Variants in KAT2B observed in about 807,000 individuals in gnomAD.
The protein encoded by KAT2B is histone acetyltransferase KAT2B.
Under a neutral mutation model 105.9 loss-of-function variants are expected in KAT2B, and 36 were observed. The ratio of observed to expected loss-of-function variants is 0.34; its 90% CI spans 0.26 to 0.45. The LOEUF is 0.45. KAT2B is among the 20% of genes least tolerant of loss of function. KAT2B has a pLI of 1.00. For missense variants in KAT2B, 820 were observed against 1,021.6 expected, an observed-to-expected ratio of 0.80 and a Z score of 2.69; for synonymous variants, 397 against 377.9, an observed-to-expected ratio of 1.05 and a Z score of -0.59.
At chr3:20,133,409 C>T (rs1699545072) in intron 11 of KAT2B, among the ~76,000 whole-genome samples, 1 of 113,530 alleles carries the variant, frequency 8.8e-6, no homozygotes, top group African/African-American at 3.6e-5. Context: ...CTCAGGTACT[C>T]AGTAGCTACA....
At chr3:20,060,894 A>G (rs6777429) in intron 1 of KAT2B, among the ~76,000 whole-genome samples, 61,171 of 151,944 alleles carry the variant, frequency 0.4, 12,552 homozygotes, top group Middle Eastern at 0.47. Context: ...GTAATAAACC[A>G]TGATCATGCC....
chr3:20,118,820 A>AT (rs979652050), intron 7 of KAT2B, among the ~76,000 whole-genome samples: 1 of 148,118 alleles, frequency 6.8e-6, no homozygotes. Context: ...TATTATATAT[A>AT]TTTTTTCTCC....
At chr3:20,059,958 T>G (rs1018098884) in intron 1 of KAT2B, among the ~76,000 whole-genome samples, 3 of 152,214 alleles carry the variant, frequency 2.0e-5, no homozygotes. Context: ...CTTTTCTGGA[T>G]GGTCATGTAA....
intron 2 of KAT2B, among the ~76,000 whole-genome samples, chr3:20,093,488 G>A (rs1241139659): frequency 6.6e-6 from 1 of 152,142 alleles, no homozygotes; most frequent in East Asian, 1.9e-4. Flanking sequence ...TGGAAACCAA[G>A]AGTTGTGGTA....
At chr3:20,083,354 GTCT>G (rs1698553983) in intron 2 of KAT2B, among the ~76,000 whole-genome samples, 1 of 152,182 alleles carries the variant, frequency 6.6e-6, no homozygotes, top group African/African-American at 2.4e-5. Flanking sequence ...GCATCAAAAA[GTCT>G]TCTTAATAAA....
chr3:20,119,530 A>C, intron 7 of KAT2B, 68 bp from the exon 8 acceptor site: 2 of 1,573,190 alleles, frequency 1.3e-6, no homozygotes, highest in East Asian at 4.5e-5. Flanking sequence ...TCCCATGTGC[A>C]CTTCGTTTCT....
At chr3:20,052,113 A>G (rs553777937) in intron 1 of KAT2B, among the ~76,000 whole-genome samples, 85 of 152,278 alleles carry the variant, frequency 5.6e-4, no homozygotes, top group Non-Finnish European at 5.0e-4. Flanking sequence ...TCTGCCATGT[A>G]TCTCTGTATC....
intron 2 of KAT2B, among the ~76,000 whole-genome samples, chr3:20,074,891 C>T (rs1457146354): frequency 6.6e-6 from 1 of 152,176 alleles, no homozygotes; most frequent in Non-Finnish European, 1.5e-5. Context: ...AGAAGTTGGT[C>T]CTTTCCCAAA....
intron 11 of KAT2B, 101 bp from the exon 12 acceptor site, chr3:20,136,841 T>A: frequency 1.7e-6 from 1 of 574,300 alleles, no homozygotes; most frequent in Non-Finnish European, 3.1e-6. Context: ...GTAAAATATG[T>A]AAAAGTACAA....
chr3:20,138,359 T>G (rs918093863), intron 12 of KAT2B, among the ~76,000 whole-genome samples: 5 of 144,618 alleles, frequency 3.5e-5, no homozygotes, highest in Non-Finnish European at 5.9e-5. Flanking sequence ...TCCTAGGATT[T>G]TGTTGTAGAA....
intron 1 of KAT2B, among the ~76,000 whole-genome samples, chr3:20,043,057 C>T (rs576467751): frequency 6.6e-6 from 1 of 152,090 alleles, no homozygotes; most frequent in South Asian, 2.1e-4. Context: ...TGCGCCAGTA[C>T]ACTATTATTA....
chr3:20,056,825 T>C (rs1051377208), intron 1 of KAT2B, among the ~76,000 whole-genome samples: 3 of 152,232 alleles, frequency 2.0e-5, no homozygotes, highest in Non-Finnish European at 4.4e-5. Flanking sequence ...TCTTGTTCTT[T>C]GCCAGCTGAG....
At chr3:20,067,213 A>C (rs989823200) in intron 1 of KAT2B, among the ~76,000 whole-genome samples, 1 of 152,250 alleles carries the variant, frequency 6.6e-6, no homozygotes, top group Admixed American at 6.5e-5. Flanking sequence ...TTTTGAAAGA[A>C]AAGATCTTTA....
At chr3:20,138,103 T>C (rs1396198904) in intron 12 of KAT2B, among the ~76,000 whole-genome samples, 1 of 152,194 alleles carries the variant, frequency 6.6e-6, no homozygotes, top group Non-Finnish European at 1.5e-5. Context: ...ATAAAAGTAA[T>C]GTGTAATCAT....
intron 13 of KAT2B, among the ~76,000 whole-genome samples, chr3:20,140,867 A>G (rs1699684752): frequency 6.6e-6 from 1 of 152,018 alleles, no homozygotes; most frequent in East Asian, 1.9e-4. Context: ...TACTTTTTAA[A>G]TTTGTGTAAA....
chr3:20,095,553 G>A, intron 3 of KAT2B, 145 bp downstream of exon 3: 1 of 572,908 alleles, frequency 1.7e-6, no homozygotes, highest in Non-Finnish European at 3.1e-6. Context: ...CTTCATGACT[G>A]ATTCTCTAAA....
intron 17 of KAT2B, chr3:20,148,867 G>A (rs1230940099): frequency 5.9e-6 from 1 of 169,780 alleles, no homozygotes; most frequent in East Asian, 1.7e-4. Context: ...TCGTAAATAG[G>A]TATTCCTTTG....
In KAT2B at chr3:20,062,274, A is replaced by ATATATAC. The variant is rs1698143472; in HGVS notation, c.304-10053_304-10052insCTATATA. On this transcript the variant is annotated intron_variant, in intron 1 of 17. Coordinates refer to ENST00000263754, the MANE Select transcript of KAT2B (RefSeq NM_003884.5). ...TATAAAATATGATATATAATATATAATATATAAAATATAATATATAATATA... is the reference window on the plus strand; with the variant it reads ...TATAAAATATGATATATAATATATAATATATACTATATAAAATATAATATATAATATA... Among the ~76,000 whole-genome samples the ATATATAC allele has an allele frequency of 6.7e-5, 4 of 59,288 alleles. 1 individual carries two copies. Among genetic ancestry groups the ATATATAC allele is most frequent in the Non-Finnish European group, 1.0e-4 (3 of 28,982 alleles). The allele number at this position is 59,288 out of a possible 152,430, so 38.9% of individuals were successfully genotyped here.
intron 2 of KAT2B, among the ~76,000 whole-genome samples, chr3:20,072,947 T>C (rs1207620313): frequency 6.6e-6 from 1 of 152,142 alleles, no homozygotes; most frequent in Non-Finnish European, 1.5e-5. Context: ...ACTGGGCTGC[T>C]CTTTATTGTG....
Sources: gnomAD v4.1 joint callset for allele counts (sites outside exome capture counted in the v4.1 genomes callset) on GRCh38, gnomAD v4.1.1 for gene constraint, MANE v1.5 for transcripts, NCBI Gene and HGNC (gene_info 2026-07-23, HGNC 2026-07-21) for gene names.